Variants in FAM163A observed in about 807,000 individuals in gnomAD.
The protein encoded by FAM163A is family with sequence similarity 163 member A, also known as protein FAM163A.
Under a neutral mutation model 12.0 loss-of-function variants are expected in FAM163A, and 7 were observed. The ratio of observed to expected loss-of-function variants is 0.58; its 90% CI spans 0.33 to 1.10. The LOEUF is 1.10. FAM163A is among the 50% of genes least tolerant of loss of function. The pLI is 0.03. For missense variants in FAM163A, 202 were observed against 218.6 expected (o/e 0.92, Z 0.48); for synonymous variants, 101 against 91.0 (o/e 1.11, Z -0.62).
At chr1:179,792,296 T>C (rs901584657) in intron 1 of FAM163A, among the ~76,000 whole-genome samples, 1 of 150,696 alleles carries the variant, frequency 6.6e-6, no homozygotes, top group African/African-American at 2.4e-5. Flanking sequence ...TGTGTGTGTG[T>C]GTGTGTGTGT....
intron 1 of FAM163A, among the ~76,000 whole-genome samples, chr1:179,750,398 C>A (rs1412469602): frequency 6.6e-6 from 1 of 152,090 alleles, no homozygotes; most frequent in African/African-American, 2.4e-5. Flanking sequence ...AGGCCTGGGG[C>A]CATTCAGGAA....
chr1:179,772,785 C>T (rs1384400590), intron 1 of FAM163A, among the ~76,000 whole-genome samples: 2 of 151,624 alleles, frequency 1.3e-5, no homozygotes, highest in Non-Finnish European at 2.9e-5. Flanking sequence ...AACCCAGGGC[C>T]CTAGCTTTCT....
At chr1:179,777,283 A>G (rs954429446) in intron 1 of FAM163A, among the ~76,000 whole-genome samples, 1 of 152,222 alleles carries the variant, frequency 6.6e-6, no homozygotes. Context: ...ATGTCAGCAA[A>G]TGCTTGTCAA....
intron 1 of FAM163A, among the ~76,000 whole-genome samples, chr1:179,773,278 T>A (rs1159717093): frequency 6.6e-6 from 1 of 152,088 alleles, no homozygotes; most frequent in Admixed American, 6.6e-5. Flanking sequence ...CTGTTTTGTA[T>A]CTTGACTGTG....
Position 179,800,976 on chromosome 1 carries a change from C to G in FAM163A, c.-135-6822C>G, listed in dbSNP as rs138823057. On this transcript the variant is annotated intron_variant, in intron 1 of 4. Transcript: ENST00000341785. ...ATCTACATAGGACTTGCTCAAGCCC[C>G]CATTATAGGGCTCAGCGGAAACCCA... Among the ~76,000 whole-genome samples, 377 of 152,250 alleles carry G rather than the reference C, an allele frequency of 2.5e-3. 1 individual carries two copies. Among genetic ancestry groups the G allele is most frequent in the African/African-American group, 8.5e-3 (354 of 41,548 alleles).
intron 1 of FAM163A, among the ~76,000 whole-genome samples, chr1:179,762,843 T>C (rs1360233715): frequency 1.3e-5 from 2 of 152,210 alleles, no homozygotes; most frequent in Admixed American, 6.5e-5. Flanking sequence ...TCAGGCGACA[T>C]GATGATGGTC....
intron 1 of FAM163A, among the ~76,000 whole-genome samples, chr1:179,778,569 C>G (rs566334511): frequency 6.6e-6 from 1 of 152,092 alleles, no homozygotes; most frequent in African/African-American, 2.4e-5. Flanking sequence ...ACCATGGGAC[C>G]TGAAAAAAAT....
the FAM163A span, among the ~76,000 whole-genome samples, chr1:179,727,958 G>A: frequency 6.6e-6 from 1 of 152,260 alleles, no homozygotes; most frequent in African/African-American, 2.4e-5. Context: ...AGAATGGAGG[G>A]TAAAGATAGG....
intron 1 of FAM163A, among the ~76,000 whole-genome samples, chr1:179,799,213 A>G (rs929711259): frequency 6.6e-6 from 1 of 152,166 alleles, no homozygotes; most frequent in African/African-American, 2.4e-5. Context: ...ACTGAGCTGC[A>G]GGCCTGCTGC....
At chr1:179,811,315 A>T (rs1478551188) in intron 2 of FAM163A, among the ~76,000 whole-genome samples, 1 of 152,194 alleles carries the variant, frequency 6.6e-6, no homozygotes, top group African/African-American at 2.4e-5. Context: ...AAGGTTTGTT[A>T]GGAAACCATT....
rs1385642204 is a variant in FAM163A, at chr1:179,807,888, CG to C, written c.-45+1del. On this transcript the variant is annotated splice_donor_variant, in intron 2 of 4. Transcript: ENST00000341785. LOFTEE classifies it low-confidence loss of function (5UTR_SPLICE). Reference sequence around the variant, plus strand: ...AGTCACCGCTGCTCCAGCTGTTTCACGTAAGTGTAAGGCACGGGCCACTCCC... The same window carrying C: ...AGTCACCGCTGCTCCAGCTGTTTCACTAAGTGTAAGGCACGGGCCACTCCC... 1 of 152,318 alleles carries C rather than the reference CG, an allele frequency of 6.6e-6. No homozygotes were observed. The highest frequency in any genetic ancestry group is 2.4e-5 in the African/African-American group (1 of 41,470). The allele number at this position is 152,318 out of a possible 1,614,324, so 9.4% of individuals were successfully genotyped here.
intron 1 of FAM163A, among the ~76,000 whole-genome samples, chr1:179,772,953 C>A (rs889741022): frequency 2.0e-5 from 3 of 150,624 alleles, no homozygotes; most frequent in African/African-American, 7.4e-5. Flanking sequence ...CAGCTCCCCA[C>A]GTTTAAGCAG....
In FAM163A at chr1:179,771,078, A is replaced by T. The variant is rs112980700; in HGVS notation, c.-136+27655A>T. 9.4e-3 allele frequency among the ~76,000 whole-genome samples: 1,437 copies of T among 152,160 alleles called. 26 individuals are homozygous for T. The highest frequency in any genetic ancestry group is 0.033 in the African/African-American group (1,381 of 41,496). ...GCTGACAGGGCCTGCTTTTTCCGGTATGATCTCAAGCACACTCTGCTGTTA... is the reference window on the plus strand; with the variant it reads ...GCTGACAGGGCCTGCTTTTTCCGGTTTGATCTCAAGCACACTCTGCTGTTA... On this transcript the variant is annotated intron_variant, in intron 1 of 4. Transcript: ENST00000341785.
intron 1 of FAM163A, among the ~76,000 whole-genome samples, chr1:179,765,070 A>G (rs1478833649): frequency 6.6e-6 from 1 of 152,050 alleles, no homozygotes; most frequent in East Asian, 1.9e-4. Flanking sequence ...CCCAATTTAA[A>G]TGCACTCCAC....
intron 1 of FAM163A, among the ~76,000 whole-genome samples, chr1:179,757,670 G>T (rs34780349): frequency 0.19 from 28,161 of 152,110 alleles, 2,883 homozygotes; most frequent in Non-Finnish European, 0.24. Flanking sequence ...AAATTAGCCA[G>T]GCGTGGTGGC....
intron 1 of FAM163A, among the ~76,000 whole-genome samples, chr1:179,775,814 G>A (rs543309750): frequency 1.3e-5 from 2 of 152,190 alleles, no homozygotes; most frequent in African/African-American, 4.8e-5. Flanking sequence ...AGCTGGGGCC[G>A]ACCTTTATTC....
chr1:179,757,742 G>T (rs1207641892), intron 1 of FAM163A, among the ~76,000 whole-genome samples: 2 of 152,214 alleles, frequency 1.3e-5, no homozygotes, highest in Non-Finnish European at 2.9e-5. Flanking sequence ...AGCCCAGGAG[G>T]TGGAGGTTGC....
chr1:179,765,730 A>G (rs3845384), intron 1 of FAM163A, among the ~76,000 whole-genome samples: 17,061 of 143,648 alleles, frequency 0.12, 1,092 homozygotes, highest in Middle Eastern at 0.14. Flanking sequence ...CTGGTTCGAG[A>G]CTATTGCTTA....
intron 1 of FAM163A, among the ~76,000 whole-genome samples, chr1:179,783,920 G>A (rs1489740850): frequency 6.6e-6 from 1 of 151,420 alleles, no homozygotes; most frequent in Non-Finnish European, 1.5e-5. Context: ...GGATACACTA[G>A]TTGGCTATAA....
Sources: gnomAD v4.1 joint callset for allele counts (sites outside exome capture counted in the v4.1 genomes callset) on GRCh38, gnomAD v4.1.1 for gene constraint, MANE v1.5 for transcripts, NCBI Gene and HGNC (gene_info 2026-07-23, HGNC 2026-07-21) for gene names.